RGL1: variants seen among roughly 807,000 people sequenced by gnomAD.
RGL1 encodes the protein ral guanine nucleotide dissociation stimulator like 1, also known as ral guanine nucleotide dissociation stimulator-like 1.
A neutral mutation model predicts 95.2 loss-of-function variants in RGL1; 24 were observed. The ratio of observed to expected loss-of-function variants is 0.25; its 90% CI spans 0.18 to 0.35. RGL1 has a LOEUF of 0.35. Among genes scored for constraint, RGL1 ranks in the 10% least tolerant of loss-of-function variants. RGL1 has a pLI of 1.00. For synonymous variants in RGL1, 329 were observed against 344.9 expected, an observed-to-expected ratio of 0.95 and a Z score of 0.51; for missense variants, 715 against 936.3, an observed-to-expected ratio of 0.76 and a Z score of 3.08.
chr1:183,730,274 G>A (rs1397116683), intron 1 of RGL1, among the ~76,000 whole-genome samples: 1 of 152,172 alleles, frequency 6.6e-6, no homozygotes, highest in East Asian at 1.9e-4. Context: ...ACTCTTGGCT[G>A]TAATACAAAG....
intron 2 of RGL1, among the ~76,000 whole-genome samples, chr1:183,812,748 T>C (rs1472090220): frequency 6.6e-6 from 1 of 151,976 alleles, no homozygotes; most frequent in Non-Finnish European, 1.5e-5. Flanking sequence ...GAGTGAGAGT[T>C]AAATGAGGGC....
intron 2 of RGL1, among the ~76,000 whole-genome samples, chr1:183,846,569 C>A (rs952894194): frequency 4.0e-5 from 6 of 151,144 alleles, no homozygotes; most frequent in Non-Finnish European, 8.8e-5. Context: ...AAAACTCCAA[C>A]AACAACAACA....
intron 1 of RGL1, among the ~76,000 whole-genome samples, chr1:183,732,817 G>A (rs1422869624): frequency 6.6e-6 from 1 of 152,134 alleles, no homozygotes; most frequent in Non-Finnish European, 1.5e-5. Context: ...ATGTATCCCA[G>A]TAAGGTCCTT....
chr1:183,722,990 T>C (rs937149576), intron 1 of RGL1, among the ~76,000 whole-genome samples: 3 of 151,920 alleles, frequency 2.0e-5, no homozygotes, highest in African/African-American at 7.3e-5. Flanking sequence ...CAACAATATA[T>C]TGGGGGAATT....
At chr1:183,703,636 C>T (rs1484966317) in intron 1 of RGL1, among the ~76,000 whole-genome samples, 4 of 152,150 alleles carry the variant, frequency 2.6e-5, no homozygotes, top group African/African-American at 7.2e-5. Flanking sequence ...TTAAACTTAC[C>T]ACAAACCTCA....
chr1:183,687,433 T>C (rs1269571335), intron 1 of RGL1, among the ~76,000 whole-genome samples: 1 of 152,194 alleles, frequency 6.6e-6, no homozygotes, highest in Non-Finnish European at 1.5e-5. Flanking sequence ...TTGTATAGCG[T>C]TGAAAGAACT....
intron 1 of RGL1, among the ~76,000 whole-genome samples, chr1:183,715,708 T>C (rs954884643): frequency 4.0e-5 from 6 of 151,694 alleles, no homozygotes; most frequent in Admixed American, 6.6e-5. Context: ...ACAGAACCAA[T>C]TGGAGACCTA....
At chr1:183,879,191 C>T (rs1666685395) in intron 4 of RGL1, among the ~76,000 whole-genome samples, 1 of 129,518 alleles carries the variant, frequency 7.7e-6, no homozygotes, top group Admixed American at 7.6e-5. Context: ...CTTTAACGTT[C>T]CACATTAGTG....
intron 1 of RGL1, among the ~76,000 whole-genome samples, chr1:183,694,462 A>G (rs56695188): frequency 0.031 from 4,710 of 152,280 alleles, 208 homozygotes; most frequent in African/African-American, 0.1. Flanking sequence ...TGGATTTGAA[A>G]TCTCTAGCTA....
intron 2 of RGL1, among the ~76,000 whole-genome samples, chr1:183,830,748 T>G (rs2102486778): frequency 6.6e-6 from 1 of 152,154 alleles, no homozygotes; most frequent in Non-Finnish European, 1.5e-5. Context: ...AATTAATTGG[T>G]CTTCAAAAAA....
At chr1:183,884,002 G>A (rs1403971981) in intron 6 of RGL1, 92 bp downstream of exon 6, 1 of 1,351,480 alleles carries the variant, frequency 7.4e-7, no homozygotes, top group Non-Finnish European at 1.0e-6. Context: ...GGGATAATGT[G>A]ATTTTAAGTC....
intron 16 of RGL1, among the ~76,000 whole-genome samples, chr1:183,918,767 C>T (rs77910071): frequency 6.6e-6 from 1 of 152,314 alleles, no homozygotes; most frequent in East Asian, 1.9e-4. Context: ...TATATTGCAC[C>T]AGGTGGTGGC....
chr1:183,661,745 G>C (rs543034999), intron 1 of RGL1, among the ~76,000 whole-genome samples: 1 of 150,910 alleles, frequency 6.6e-6, no homozygotes, highest in Admixed American at 6.6e-5. Context: ...CCGGGCAGAA[G>C]AGACACAACC....
At chr1:183,864,923 T>G (rs1232985400) in intron 3 of RGL1, among the ~76,000 whole-genome samples, 1 of 152,218 alleles carries the variant, frequency 6.6e-6, no homozygotes, top group African/African-American at 2.4e-5. Context: ...CAAGGAACCA[T>G]AAGGGTACTG....
intron 4 of RGL1, among the ~76,000 whole-genome samples, chr1:183,875,379 C>G (rs1666430307): frequency 6.6e-6 from 1 of 152,150 alleles, no homozygotes; most frequent in Admixed American, 6.5e-5. Context: ...ATACGTTTAC[C>G]TAAAATCTGC....
chr1:183,868,963 T>A lies in RGL1; in HGVS notation c.425+2890T>A, dbSNP rs568784229. Among the ~76,000 whole-genome samples, 54 of 152,184 alleles carry A rather than the reference T, an allele frequency of 3.5e-4. No homozygotes were observed. In the East Asian group the frequency reaches 7.0e-3, roughly 20 times the overall value. On this transcript the variant is annotated intron_variant, in intron 4 of 17. Transcript: ENST00000360851. Reference sequence around the variant, plus strand: ...GACTCTGTCTCTACAAAAATTTTTTTAAAAAATTGCTGGATGTGGTGGCAC... The same window carrying A: ...GACTCTGTCTCTACAAAAATTTTTTAAAAAAATTGCTGGATGTGGTGGCAC...
intron 1 of RGL1, chr1:183,647,822 T>G (rs762734558): frequency 6.2e-7 from 1 of 1,614,240 alleles, no homozygotes; most frequent in Non-Finnish European, 8.5e-7. Flanking sequence ...GAGGCATATT[T>G]AAGTGCCTTA....
At chr1:183,740,856 G>C (rs758915918) in intron 1 of RGL1, among the ~76,000 whole-genome samples, 5 of 152,126 alleles carry the variant, frequency 3.3e-5, no homozygotes, top group African/African-American at 4.8e-5. Flanking sequence ...CATTTATTTA[G>C]TACTTACTCT....
intron 1 of RGL1, among the ~76,000 whole-genome samples, chr1:183,652,553 C>T (rs947235727): frequency 6.6e-6 from 1 of 152,118 alleles, no homozygotes; most frequent in South Asian, 2.1e-4. Context: ...AATTTGTTAT[C>T]GACCACAGAT....
Sources: allele counts gnomAD v4.1 joint callset (sites outside exome capture counted in the v4.1 genomes callset), GRCh38; gene constraint gnomAD v4.1.1; transcripts MANE v1.5; gene names NCBI Gene and HGNC (gene_info 2026-07-23, HGNC 2026-07-21).